SPATA9: variants seen among roughly 807,000 people sequenced by gnomAD.
The protein encoded by SPATA9 is spermatogenesis-associated protein 9.
In SPATA9, 27 loss-of-function variants were observed where a neutral mutation model predicts 25.5. That is an observed-to-expected ratio of 1.06 (90% CI 0.78 to 1.46). The LOEUF (loss-of-function observed/expected upper bound fraction) is 1.46. Ranked by LOEUF, SPATA9 falls within the 40% of genes most tolerant of loss-of-function variation. The pLI is 0.00. For synonymous variants in SPATA9, 102 were observed against 105.7 expected (o/e 0.97, Z 0.21); for missense variants, 282 against 297.5 (o/e 0.95, Z 0.38).
intron 3 of SPATA9, among the ~76,000 whole-genome samples, chr5:95,667,279 G>T (rs999724634): frequency 1.7e-5 from 2 of 116,248 alleles, no homozygotes; most frequent in Non-Finnish European, 3.2e-5. Flanking sequence ...ACAGAACAAG[G>T]AAACCAAGAA....
At chr5:95,669,774 G>GCT (rs1183912124) in intron 3 of SPATA9, among the ~76,000 whole-genome samples, 1 of 152,116 alleles carries the variant, frequency 6.6e-6, no homozygotes, top group Non-Finnish European at 1.5e-5. Context: ...AACTCAGGCA[G>GCT]GCAACTCACA....
chr5:95,732,078 C>T, the SPATA9 span: 179 of 1,613,944 alleles, frequency 1.1e-4, 1 homozygote, highest in Admixed American at 2.7e-3. Flanking sequence ...ACGACTGTCC[C>T]GTCTGGGTAA....
intron 1 of SPATA9, among the ~76,000 whole-genome samples, chr5:95,696,189 C>T (rs1172155032): frequency 1.3e-5 from 2 of 152,192 alleles, no homozygotes; most frequent in African/African-American, 4.8e-5. Flanking sequence ...TGCACCTGGA[C>T]TCCTGACCCA....
At chr5:95,658,234 A>G (rs1750897865), downstream of SPATA9, 1 of 154,348 alleles carries the variant, frequency 6.5e-6, no homozygotes, top group African/African-American at 2.4e-5. Context: ...TAAAAAATAA[A>G]TATTCTTTTA....
At chr5:95,685,692 G>C (rs184222040), upstream of SPATA9, among the ~76,000 whole-genome samples, 45 of 152,198 alleles carry the variant, frequency 3.0e-4, no homozygotes, top group Admixed American at 6.5e-4. Flanking sequence ...CTGTGCTAGG[G>C]GCTAAGTTAA....
upstream of SPATA9, among the ~76,000 whole-genome samples, chr5:95,702,544 C>A (rs989295096): frequency 2.0e-5 from 3 of 152,124 alleles, no homozygotes; most frequent in African/African-American, 7.2e-5. Flanking sequence ...TAGATATATT[C>A]TACATTACCA....
At chr5:95,713,628 G>T in the SPATA9 span, 1 of 152,082 alleles carries the variant, frequency 6.6e-6, no homozygotes, top group Non-Finnish European at 1.5e-5. Flanking sequence ...AAATTACCTA[G>T]TCGCAGGTAT....
At position 95,697,308 on chromosome 5, in the gene SPATA9, G is replaced by T. The variant is rs10041927; in HGVS notation, n.124+1280C>A. ...CCCAAGTTCACTCCCGTGGTTGCTG[G>T]GAACCCTCAGTTCCTTACCATGTGG... On this transcript the variant is annotated intron_variant and non_coding_transcript_variant, in intron 1 of 2. Coordinates refer to the SPATA9 transcript ENST00000379990. 5.6e-3 allele frequency among the ~76,000 whole-genome samples: 846 copies of T among 152,210 alleles called. 16 individuals carry two copies. The highest frequency in any genetic ancestry group is 0.02 in the African/African-American group (812 of 41,510).
intron 3 of SPATA9, chr5:95,674,835 G>C (rs946907359): frequency 2.2e-6 from 1 of 454,826 alleles, no homozygotes; most frequent in Non-Finnish European, 4.4e-6. Flanking sequence ...TTAGATGCCA[G>C]AATTGCAAAA....
chr5:95,720,433 A>C, the SPATA9 span, among the ~76,000 whole-genome samples: 4 of 152,244 alleles, frequency 2.6e-5, no homozygotes, highest in South Asian at 2.1e-4. Context: ...TTTATATTAG[A>C]TCATAGTGAG....
At chr5:95,705,674 T>A in the SPATA9 span, among the ~76,000 whole-genome samples, 2 of 152,238 alleles carry the variant, frequency 1.3e-5, no homozygotes, top group African/African-American at 4.8e-5. Flanking sequence ...ATAATGATTA[T>A]AAACTAGATT....
intron 1 of SPATA9, among the ~76,000 whole-genome samples, chr5:95,695,973 T>C (rs558219322): frequency 2.0e-5 from 3 of 152,318 alleles, no homozygotes; most frequent in Admixed American, 1.3e-4. Flanking sequence ...CCAGCTACCA[T>C]GTTGAGAGCT....
In SPATA9 at chr5:95,658,569, T is replaced by C. The variant is rs1247547477; in HGVS notation, c.*54A>G. Reference sequence around the variant, plus strand: ...AAACTAGACTCTGAGTTTTGTCAGATGAAATGTGCCATTAAATAGATAACT... The same window carrying C: ...AAACTAGACTCTGAGTTTTGTCAGACGAAATGTGCCATTAAATAGATAACT... On this transcript the variant is annotated 3_prime_UTR_variant, in exon 5 of 5. Transcript: ENST00000274432. 1 of 1,538,380 alleles carries C rather than the reference T, an allele frequency of 6.5e-7. No homozygotes were observed. The highest frequency in any genetic ancestry group is 8.7e-7 in the Non-Finnish European group (1 of 1,146,198).
At chr5:95,715,169 C>CA in the SPATA9 span, among the ~76,000 whole-genome samples, 9 of 151,828 alleles carry the variant, frequency 5.9e-5, no homozygotes, top group East Asian at 1.9e-4. Flanking sequence ...ACTGAAAATA[C>CA]AAAAATTAGC....
At chr5:95,670,074 AT>A (rs888482386) in intron 3 of SPATA9, among the ~76,000 whole-genome samples, 9 of 152,196 alleles carry the variant, frequency 5.9e-5, no homozygotes, top group Non-Finnish European at 1.2e-4. Flanking sequence ...GCTTTAGGCC[AT>A]TCCTGCCGGT....
intron 3 of SPATA9, among the ~76,000 whole-genome samples, chr5:95,665,642 C>T (rs185063923): frequency 6.6e-6 from 1 of 151,796 alleles, no homozygotes. Flanking sequence ...TAGGTTGATT[C>T]TATATCCAGG....
At chr5:95,731,781 C>T in the SPATA9 span, 31 of 1,603,526 alleles carry the variant, frequency 1.9e-5, no homozygotes, top group African/African-American at 2.7e-5. Context: ...CGCGCTGTCC[C>T]CCGCACTTCC....
intron 4 of SPATA9, among the ~76,000 whole-genome samples, chr5:95,663,056 C>T (rs1165254391): frequency 6.6e-6 from 1 of 152,078 alleles, no homozygotes; most frequent in Non-Finnish European, 1.5e-5. Flanking sequence ...GCAGTTTCAC[C>T]AAAAGATATG....
At chr5:95,715,048 G>C in the SPATA9 span, among the ~76,000 whole-genome samples, 1 of 152,176 alleles carries the variant, frequency 6.6e-6, no homozygotes, top group East Asian at 1.9e-4. Context: ...GATTGTGGCC[G>C]GGTGTGGTGG....
Sources: gnomAD v4.1 joint callset for allele counts (sites outside exome capture counted in the v4.1 genomes callset) on GRCh38, gnomAD v4.1.1 for gene constraint, MANE v1.5 for transcripts, NCBI Gene and HGNC (gene_info 2026-07-23, HGNC 2026-07-21) for gene names.